RPS6KA5: variants seen among roughly 807,000 people sequenced by gnomAD.
The protein encoded by RPS6KA5 is ribosomal protein S6 kinase alpha-5.
In RPS6KA5, 27 loss-of-function variants were observed where a neutral mutation model predicts 85.5. The observed-to-expected ratio is 0.32, with a 90% CI of 0.23 to 0.44. The LOEUF (loss-of-function observed/expected upper bound fraction) is 0.44, where lower values mean the gene tolerates loss of function less well. RPS6KA5 is among the 20% of genes least tolerant of loss of function. The pLI, the probability that RPS6KA5 is intolerant of heterozygous loss-of-function variation, is 1.00. For missense variants in RPS6KA5, 811 were observed against 980.9 expected (o/e 0.83, Z 2.31); for synonymous variants, 334 against 348.2 (o/e 0.96, Z 0.46).
intron 3 of RPS6KA5, among the ~76,000 whole-genome samples, chr14:90,971,352 T>C (rs2039313695): frequency 1.3e-5 from 2 of 152,282 alleles, no homozygotes; most frequent in Admixed American, 1.3e-4. Flanking sequence ...ACCATGCCTA[T>C]TTATTCACTA....
intron 14 of RPS6KA5, among the ~76,000 whole-genome samples, chr14:90,878,466 GT>G (rs2033619995): frequency 6.6e-6 from 1 of 152,082 alleles, no homozygotes; most frequent in Non-Finnish European, 1.5e-5. Context: ...ATAGAATGTA[GT>G]TTCCCCAGGC....
At position 90,906,223 on chromosome 14, in the gene RPS6KA5, T is replaced by A; in HGVS notation, c.883A>T (p.Met295Leu). The A allele has an allele frequency of 6.2e-7, 1 of 1,613,116 alleles. No individual in the cohort carries two copies. Among genetic ancestry groups the A allele is most frequent in the Non-Finnish European group, 8.5e-7 (1 of 1,179,322 alleles). ...CCCAATCTCTTCTTGGGATCTTTCA[T>A]CAAAAGACGCTGAATTAGGTCTTTC... ...LAKDLIQRLL[M>L]KDPKKRLGCG... The change falls in exon 8 of 17, where the codon ATG becomes TTG. Residue 295 changes from methionine to leucine, a missense_variant. By Grantham distance (15) the Met-to-Leu change is conservative. Coordinates refer to ENST00000614987, the MANE Select transcript of RPS6KA5 (RefSeq NM_004755.4).
At chr14:91,053,661 C>A (rs913464019) in intron 1 of RPS6KA5, among the ~76,000 whole-genome samples, 5 of 152,142 alleles carry the variant, frequency 3.3e-5, no homozygotes, top group African/African-American at 9.7e-5. Flanking sequence ...AATTTATACT[C>A]CTTAAACGGA....
Position 90,877,273 on chromosome 14 carries a change from T to C in RPS6KA5, c.1837-1913A>G, listed in dbSNP as rs527693870. ...CAGTTTCTAATCTGGAGCAACCTAA[T>C]GAAGAAGATTAATTGCTCTAAGAAG... On this transcript the variant is annotated intron_variant, in intron 14 of 16. Coordinates refer to ENST00000614987, the MANE Select transcript of RPS6KA5 (RefSeq NM_004755.4). 2.0e-5 allele frequency among the ~76,000 whole-genome samples: 3 copies of C among 152,306 alleles called. No individual in the cohort carries two copies. In the South Asian group the frequency reaches 6.2e-4, roughly 32 times the overall value.
At position 90,856,289 on chromosome 14, in the gene RPS6KA5, G is replaced by A. The variant is rs899429162; in HGVS notation, c.*15785C>T. ...GATGCCAAAGAAAGGGGGGCAGGAT[G>A]GCATTCTCTGAATAGCCAGGTGTTA... is the stretch of plus-strand genomic sequence containing the variant. On this transcript the variant is annotated 3_prime_UTR_variant, in exon 17 of 17. Coordinates refer to ENST00000614987, the MANE Select transcript of RPS6KA5 (RefSeq NM_004755.4). The A allele has an allele frequency of 6.6e-6, 1 of 152,034 alleles. No homozygotes were observed. Among genetic ancestry groups the A allele is most frequent in the East Asian group, 1.9e-4 (1 of 5,198 alleles). The allele number at this position is 152,034 out of a possible 1,614,324, so 9.4% of individuals were successfully genotyped here. A position where few individuals can be genotyped will look rare whatever the true frequency, so the allele number is the denominator to read the frequency against.
At chr14:90,923,025 T>C in intron 6 of RPS6KA5, 88 bp downstream of exon 6, 1 of 916,216 alleles carries the variant, frequency 1.1e-6, no homozygotes, top group South Asian at 1.5e-5. Flanking sequence ...AAGACGGCTC[T>C]GTTGAAGAGA....
At position 91,008,652 on chromosome 14, in the gene RPS6KA5, C is replaced by T. The variant is rs113623782; in HGVS notation, c.104-7493G>A. Among the ~76,000 whole-genome samples, 742 of 152,068 alleles carry T rather than the reference C, an allele frequency of 4.9e-3. 4 individuals carry two copies. The highest frequency in any genetic ancestry group is 0.014 in the African/African-American group (598 of 41,484). On this transcript the variant is annotated intron_variant, in intron 1 of 16. Coordinates refer to ENST00000614987, the MANE Select transcript of RPS6KA5 (RefSeq NM_004755.4). ...ATAAGTAGAAATAACTATGTTACTA[C>T]GAGAGAATAATAAAAAGACTGTTCT...
intron 5 of RPS6KA5, 52 bp from the exon 6 acceptor site, chr14:90,923,248 G>A (rs1338280846): frequency 7.2e-7 from 1 of 1,383,116 alleles, no homozygotes; most frequent in Non-Finnish European, 1.0e-6. Context: ...TATGACAAGT[G>A]ACAAAAGAAG....
chr14:90,943,034 G>GT, intron 5 of RPS6KA5, 44 bp downstream of exon 5: 2 of 1,093,490 alleles, frequency 1.8e-6, no homozygotes, highest in Non-Finnish European at 2.8e-6. Context: ...TTTCATCCTT[G>GT]TTTACATGCT....
intron 1 of RPS6KA5, among the ~76,000 whole-genome samples, chr14:91,021,655 C>T (rs1049533182): frequency 2.6e-5 from 4 of 152,030 alleles, no homozygotes; most frequent in African/African-American, 9.7e-5. Context: ...TCAGGTGATC[C>T]GCCCACCTCA....
In RPS6KA5 at chr14:90,854,103, A is replaced by T. The variant is rs2140099424; in HGVS notation, c.*17971T>A. The T allele has an allele frequency of 6.6e-6, 1 of 152,322 alleles. No individual in the cohort carries two copies. Among genetic ancestry groups the T allele is most frequent in the Admixed American group, 6.5e-5 (1 of 15,294 alleles). 9.4% of individuals were successfully genotyped at this position (152,322 alleles called of 1,614,324 possible). A position where few individuals can be genotyped will look rare whatever the true frequency, so the allele number is the denominator to read the frequency against. ...AACTATTAAAGTACCTAGAAAATAG[A>T]ATATTTTTTCCTCTAAACTAAGATA... On this transcript the variant is annotated 3_prime_UTR_variant, in exon 17 of 17. Coordinates refer to ENST00000614987, the MANE Select transcript of RPS6KA5 (RefSeq NM_004755.4).
intron 7 of RPS6KA5, 129 bp from the exon 8 acceptor site, chr14:90,906,428 T>G (rs185201027): frequency 5.0e-6 from 3 of 601,968 alleles, no homozygotes; most frequent in Admixed American, 3.2e-5. Flanking sequence ...GAATCAATAA[T>G]ACCTCAATAC....
intron 15 of RPS6KA5, among the ~76,000 whole-genome samples, chr14:90,874,328 G>T (rs575864124): frequency 6.6e-6 from 1 of 152,228 alleles, no homozygotes; most frequent in Non-Finnish European, 1.5e-5. Flanking sequence ...GTAGCCTAGG[G>T]AGTGAGGGCA....
At chr14:90,917,728 C>G (rs909636848) in intron 7 of RPS6KA5, among the ~76,000 whole-genome samples, 3 of 78,824 alleles carry the variant, frequency 3.8e-5, no homozygotes, top group Non-Finnish European at 8.6e-5. Flanking sequence ...ATAAACAAAT[C>G]ATTCCTTTTT....
chr14:90,860,257 G>A lies in RPS6KA5; in HGVS notation c.*11817C>T, dbSNP rs1164152238. On this transcript the variant is annotated 3_prime_UTR_variant, in exon 17 of 17. Transcript: ENST00000614987. ...CTTGAAAATGGTGAACCTAGGCTGG[G>A]CGCCAGTAGCTCACACCTGTAATCC... 2.0e-5 allele frequency: 3 copies of A among 152,132 alleles called. No homozygotes were observed. Among genetic ancestry groups the A allele is most frequent in the African/African-American group, 7.2e-5 (3 of 41,418 alleles). 9.4% of individuals were successfully genotyped at this position (152,132 alleles called of 1,614,324 possible).
chr14:90,966,873 A>G, intron 3 of RPS6KA5, among the ~76,000 whole-genome samples: 1 of 152,206 alleles, frequency 6.6e-6, no homozygotes, highest in East Asian at 1.9e-4. Context: ...GAGAGAAAGC[A>G]AAAGAGAACT....
At chr14:90,992,241 C>T (rs572448107) in intron 2 of RPS6KA5, among the ~76,000 whole-genome samples, 2 of 152,290 alleles carry the variant, frequency 1.3e-5, no homozygotes, top group African/African-American at 4.8e-5. Context: ...GGCAGATATA[C>T]TTACAATGAC....
chr14:91,006,740 T>C (rs1479262244), intron 1 of RPS6KA5, among the ~76,000 whole-genome samples: 1 of 152,210 alleles, frequency 6.6e-6, no homozygotes, highest in African/African-American at 2.4e-5. Flanking sequence ...ACCTTTTTTT[T>C]TATTTTTTAG....
Position 90,852,107 on chromosome 14 carries a change from T to TTTTG in RPS6KA5, c.*19966_*19967insCAAA, listed in dbSNP as rs1460587867. ...ACTTTTTTTTTTTTTTTTTTTTTTTTAAGACGGAGTCTCGCTCTGTCGCCC... is the reference window on the plus strand; with the variant it reads ...ACTTTTTTTTTTTTTTTTTTTTTTTTTTTGAAGACGGAGTCTCGCTCTGTCGCCC... On this transcript the variant is annotated 3_prime_UTR_variant, in exon 17 of 17. Coordinates refer to ENST00000614987, the MANE Select transcript of RPS6KA5 (RefSeq NM_004755.4). 7.0e-6 allele frequency: 1 copy of TTTTG among 142,472 alleles called. No homozygotes were observed. The highest frequency in any genetic ancestry group is 1.5e-5 in the Non-Finnish European group (1 of 66,638). The allele number at this position is 142,472 out of a possible 1,614,324, so 8.8% of individuals were successfully genotyped here.
Sources: allele counts gnomAD v4.1 joint callset (sites outside exome capture counted in the v4.1 genomes callset), GRCh38; gene constraint gnomAD v4.1.1; transcripts MANE v1.5; gene names NCBI Gene and HGNC (gene_info 2026-07-23, HGNC 2026-07-21).